Variants in BCL2L11 observed in about 807,000 individuals in gnomAD.
BCL2L11 encodes bcl-2-like protein 11.
A neutral mutation model predicts 20.6 loss-of-function variants in BCL2L11; 15 were observed. That is an observed-to-expected ratio of 0.73 (90% CI 0.49 to 1.12). The LOEUF (loss-of-function observed/expected upper bound fraction) is 1.12, where lower values mean the gene tolerates loss of function less well. Ranked by LOEUF, BCL2L11 falls within the 50% of genes most tolerant of loss-of-function variation. The probability of loss-of-function intolerance (pLI) is 0.00; values close to 1 mark genes in which losing one functional copy is unlikely to be tolerated. For missense variants in BCL2L11, 292 were observed against 260.9 expected (o/e 1.12, Z -0.82); for synonymous variants, 108 against 92.8 (o/e 1.16, Z -0.94).
intron 2 of BCL2L11, among the ~76,000 whole-genome samples, chr2:111,136,091 G>A (rs2074832644): frequency 6.6e-6 from 1 of 152,134 alleles, no homozygotes; most frequent in Non-Finnish European, 1.5e-5. Flanking sequence ...GGGGCGTTGT[G>A]GTTTTCCCGT....
At chr2:111,122,581 G>C in intron 1 of BCL2L11, 1 of 981,872 alleles carries the variant, frequency 1.0e-6, no homozygotes, top group Non-Finnish European at 1.2e-6. Context: ...CCCGGCGCCA[G>C]CGGCGCGGGG....
At chr2:111,135,540 G>T (rs2074710348) in intron 2 of BCL2L11, among the ~76,000 whole-genome samples, 1 of 151,664 alleles carries the variant, frequency 6.6e-6, no homozygotes, top group East Asian at 1.9e-4. Flanking sequence ...GACCCCACCA[G>T]GGGTGGGGGG....
intron 2 of BCL2L11, chr2:111,128,482 A>G (rs2073151139): frequency 3.4e-6 from 4 of 1,183,308 alleles, no homozygotes; most frequent in Admixed American, 3.7e-5. Context: ...GCTGGATCAT[A>G]TGGTAATTCT....
intron 3 of BCL2L11, chr2:111,163,127 C>A: frequency 6.5e-6 from 1 of 154,214 alleles, no homozygotes; most frequent in Non-Finnish European, 1.4e-5. Flanking sequence ...CTGTGGGGGC[C>A]ATTCGGGGTC....
intron 3 of BCL2L11, among the ~76,000 whole-genome samples, chr2:111,161,893 G>A (rs1240721304): frequency 6.6e-6 from 1 of 152,192 alleles, no homozygotes; most frequent in African/African-American, 2.4e-5. Context: ...TATCTAGATC[G>A]CAGGGAGATT....
chr2:111,141,444 C>G (rs1225922239), intron 2 of BCL2L11, among the ~76,000 whole-genome samples: 3 of 145,978 alleles, frequency 2.1e-5, no homozygotes, highest in Non-Finnish European at 4.5e-5. Context: ...TATTCTCACT[C>G]ATAGGTGGGA....
intron 2 of BCL2L11, chr2:111,144,540 A>T: frequency 4.5e-6 from 7 of 1,550,248 alleles, no homozygotes; most frequent in Non-Finnish European, 6.1e-6. Flanking sequence ...ATAAGGAAAC[A>T]TAAGGGGGCT....
intron 2 of BCL2L11, among the ~76,000 whole-genome samples, chr2:111,125,500 A>T (rs1049413763): frequency 1.3e-5 from 2 of 152,248 alleles, no homozygotes; most frequent in Non-Finnish European, 2.9e-5. Context: ...ATTATAATTT[A>T]GATTGTACCT....
At position 111,127,458 on chromosome 2, in the gene BCL2L11, C is replaced by G. The variant is rs183770667; in HGVS notation, c.394+3319C>G. Among the ~76,000 whole-genome samples, 52 of 134,852 alleles carry G rather than the reference C, an allele frequency of 3.9e-4. 4 individuals carry two copies. The East Asian group carries it at 0.012, about 32-fold the overall frequency. The allele number at this position is 134,852 out of a possible 152,430, so 88.5% of individuals were successfully genotyped here. On this transcript the variant is annotated intron_variant, in intron 2 of 3. Transcript: ENST00000393256. ...TTTTTTCCTCAGCGTCTTGTGGGTA[C>G]TTCTCTTATAGCTGGTACTTGTCTG...
At position 111,167,537 on chromosome 2, in the gene BCL2L11, C is replaced by CG. The variant is rs2079080130; in HGVS notation, c.*3307dup. Reference sequence around the variant, plus strand: ...TGAAAATTTATCCCTGACAACTCAGCGTTTAGAAAAGAAATAAAATGTGCC... The same window carrying CG: ...TGAAAATTTATCCCTGACAACTCAGCGGTTTAGAAAAGAAATAAAATGTGCC... On this transcript the variant is annotated 3_prime_UTR_variant, in exon 4 of 4. Coordinates refer to ENST00000393256, the MANE Select transcript of BCL2L11 (RefSeq NM_138621.5). 6.6e-6 allele frequency: 1 copy of CG among 152,198 alleles called. No homozygotes were observed. The highest frequency in any genetic ancestry group is 6.5e-5 in the Admixed American group (1 of 15,280). 9.4% of individuals were successfully genotyped at this position (152,198 alleles called of 1,614,324 possible).
At chr2:111,127,643 G>C (rs2072960403) in intron 2 of BCL2L11, among the ~76,000 whole-genome samples, 1 of 152,088 alleles carries the variant, frequency 6.6e-6, no homozygotes, top group Non-Finnish European at 1.5e-5. Flanking sequence ...CAGGTAGCAA[G>C]AAAAAGATCC....
intron 2 of BCL2L11, chr2:111,128,789 C>G (rs1253703537): frequency 2.6e-6 from 4 of 1,526,930 alleles, no homozygotes; most frequent in Admixed American, 2.2e-5. Flanking sequence ...CTCCCTCTTC[C>G]TTGAGCATTT....
rs780285386 is a variant in BCL2L11, at chr2:111,150,146, G to C, written c.497G>C (p.Arg166Thr). The C allele has an allele frequency of 6.2e-7, 1 of 1,613,462 alleles. No individual in the cohort carries two copies. Among genetic ancestry groups the C allele is most frequent in the Non-Finnish European group, 8.5e-7 (1 of 1,179,612 alleles). ...GDEFNAYYAR[R>T]VFLNNYQAAE... ...GAGTTTAACGCTTACTATGCAAGGA[G>C]GGTAATGATGTTTTCTTTACCCGCT... is the stretch of plus-strand genomic sequence containing the variant. Residue 166 changes from arginine (R) to threonine (T), a missense_variant and splice_region_variant, in exon 3 of 4, where the codon AGG becomes ACG. Arg to Thr is a moderately conservative substitution (Grantham distance 71). Coordinates refer to ENST00000393256, the MANE Select transcript of BCL2L11 (RefSeq NM_138621.5).
In BCL2L11 at chr2:111,123,836, G is replaced by A; in HGVS notation, c.91G>A (p.Gly31Arg). Residue 31 changes from glycine to arginine, a missense_variant, in exon 2 of 4, where the codon GGG becomes AGG. Physicochemically the swap from Gly to Arg is moderately radical, Grantham distance 125 (BLOSUM62 -2). Transcript: ENST00000393256. ...GGAGAGGCCTCCCCAGCTCAGACCT[G>A]GGGCCCCTACCTCCCTACAGACAGA... is the stretch of plus-strand genomic sequence containing the variant. ...PAERPPQLRPGAPTSLQTEPQ... is the reference protein window; with the variant it reads ...PAERPPQLRPRAPTSLQTEPQ... 6.4e-7 allele frequency: 1 copy of A among 1,556,184 alleles called. No individual in the cohort carries two copies. The highest frequency in any genetic ancestry group is 8.7e-7 in the Non-Finnish European group (1 of 1,153,170).
chr2:111,142,351 A>G (rs1025421099), intron 2 of BCL2L11: 11 of 1,550,598 alleles, frequency 7.1e-6, no homozygotes, highest in Admixed American at 2.0e-5. Context: ...TGCCCTTCAT[A>G]GGGAAGTTCA....
chr2:111,138,012 C>CTTT (rs66601807), intron 2 of BCL2L11, among the ~76,000 whole-genome samples: 18 of 127,130 alleles, frequency 1.4e-4, no homozygotes, highest in African/African-American at 3.8e-4. Flanking sequence ...TTCTTTCTTT[C>CTTT]TTTTTTTTTT....
intron 2 of BCL2L11, 139 bp from the exon 3 acceptor site, chr2:111,149,905 G>A (rs1575135718): frequency 3.2e-6 from 2 of 621,892 alleles, no homozygotes; most frequent in East Asian, 2.9e-5. Context: ...GTACATGGCT[G>A]TAGTTGTTGA....
chr2:111,135,583 C>G (rs1454959901), intron 2 of BCL2L11, among the ~76,000 whole-genome samples: 1 of 152,100 alleles, frequency 6.6e-6, no homozygotes, highest in Non-Finnish European at 1.5e-5. Context: ...GGCCCACTTT[C>G]TACTACCTGA....
intron 1 of BCL2L11, 34 bp from the exon 2 acceptor site, chr2:111,123,699 C>G (rs753380567): frequency 2.9e-6 from 4 of 1,358,768 alleles, no homozygotes; most frequent in Non-Finnish European, 3.8e-6. Flanking sequence ...TTTTTTTTTG[C>G]TTAAAATAAT....
Sources: gnomAD v4.1 joint callset for allele counts (sites outside exome capture counted in the v4.1 genomes callset) on GRCh38, gnomAD v4.1.1 for gene constraint, MANE v1.5 for transcripts, NCBI Gene and HGNC (gene_info 2026-07-23, HGNC 2026-07-21) for gene names.